RABL3: variants seen among roughly 807,000 people sequenced by gnomAD.
RABL3 encodes rab-like protein 3.
Under a neutral mutation model 31.8 loss-of-function variants are expected in RABL3, and 31 were observed. The observed-to-expected ratio is 0.97, with a 90% CI of 0.73 to 1.31. RABL3 has a LOEUF of 1.31. Among genes scored for constraint, RABL3 ranks in the 40% most tolerant of loss-of-function variants. RABL3 has a pLI of 0.00. For synonymous variants in RABL3, 97 were observed against 99.9 expected (o/e 0.97, Z 0.18); for missense variants, 263 against 279.6 (o/e 0.94, Z 0.42).
intron 6 of RABL3, among the ~76,000 whole-genome samples, chr3:120,690,887 A>G (rs1423276613): frequency 1.3e-5 from 2 of 152,156 alleles, no homozygotes; most frequent in Non-Finnish European, 2.9e-5. Flanking sequence ...AGTCTTGTCT[A>G]TTTCTTAAAG....
chr3:120,739,751 T>C (rs1709019703), intron 1 of RABL3, among the ~76,000 whole-genome samples: 1 of 152,216 alleles, frequency 6.6e-6, no homozygotes, highest in African/African-American at 2.4e-5. Flanking sequence ...TTGTTGATTC[T>C]GTATTTGTAA....
intron 1 of RABL3, among the ~76,000 whole-genome samples, chr3:120,737,278 C>A (rs1335446038): frequency 6.6e-6 from 1 of 152,200 alleles, no homozygotes; most frequent in Non-Finnish European, 1.5e-5. Flanking sequence ...TACATTTGAT[C>A]TTCCATCACT....
intron 4 of RABL3, among the ~76,000 whole-genome samples, chr3:120,704,723 C>A (rs2107580300): frequency 1.3e-5 from 2 of 152,248 alleles, no homozygotes; most frequent in Admixed American, 1.3e-4. Context: ...TTTATACTAG[C>A]AATGGAAAAT....
intron 6 of RABL3, among the ~76,000 whole-genome samples, chr3:120,690,744 T>C (rs1351263842): frequency 1.3e-5 from 2 of 152,114 alleles, no homozygotes; most frequent in African/African-American, 4.8e-5. Context: ...AACTAAATAA[T>C]GATAGAATGA....
chr3:120,692,267 C>T (rs918799230), intron 6 of RABL3, among the ~76,000 whole-genome samples: 25 of 151,878 alleles, frequency 1.6e-4, no homozygotes, highest in Non-Finnish European at 2.9e-5. Flanking sequence ...GGTGCGATCT[C>T]GGCTCACTGC....
intron 4 of RABL3, among the ~76,000 whole-genome samples, chr3:120,700,858 AT>A (rs1708484714): frequency 1.3e-5 from 2 of 152,080 alleles, no homozygotes; most frequent in Non-Finnish European, 2.9e-5. Context: ...CATTCTTTGT[AT>A]TTACATATGT....
chr3:120,725,124 C>A (rs1453866849), intron 2 of RABL3, among the ~76,000 whole-genome samples: 6 of 151,396 alleles, frequency 4.0e-5, no homozygotes, highest in African/African-American at 1.2e-4. Context: ...ACCCCATCAA[C>A]AAGTGAGTGA....
At chr3:120,713,562 G>A (rs1708634943) in intron 2 of RABL3, among the ~76,000 whole-genome samples, 1 of 152,086 alleles carries the variant, frequency 6.6e-6, no homozygotes, top group African/African-American at 2.4e-5. Flanking sequence ...TTTAAAGCAG[G>A]TCATCAAGGA....
chr3:120,741,632 A>G (rs1453295625), intron 1 of RABL3, among the ~76,000 whole-genome samples: 1 of 152,224 alleles, frequency 6.6e-6, no homozygotes, highest in African/African-American at 2.4e-5. Context: ...TGTAGTTCTC[A>G]AATGTCCCAG....
At chr3:120,742,532 ACG>A (rs1165869565), upstream of RABL3, 24 of 1,613,588 alleles carry the variant, frequency 1.5e-5, no homozygotes, top group Non-Finnish European at 1.9e-5. Context: ...CCCTGGGTTA[ACG>A]CCTGTTCCTG....
intron 2 of RABL3, 100 bp from the exon 3 acceptor site, chr3:120,710,009 T>C (rs913395035): frequency 1.3e-6 from 1 of 791,232 alleles, no homozygotes; most frequent in Non-Finnish European, 2.0e-6. Flanking sequence ...ACTCTGACTT[T>C]CTGATCGCTA....
At chr3:120,729,978 A>G (rs1708863360) in intron 2 of RABL3, among the ~76,000 whole-genome samples, 1 of 152,202 alleles carries the variant, frequency 6.6e-6, no homozygotes, top group Admixed American at 6.5e-5. Context: ...AAAAAAACAC[A>G]AAAAATATTT....
At chr3:120,713,808 C>CTTTTT (rs61372023) in intron 2 of RABL3, among the ~76,000 whole-genome samples, 13 of 121,692 alleles carry the variant, frequency 1.1e-4, no homozygotes, top group African/African-American at 3.6e-4. Context: ...TTGTCTGTAA[C>CTTTTT]TTTTTTTTTT....
chr3:120,694,294 T>A (rs1364339295), intron 5 of RABL3, 70 bp from the exon 6 acceptor site: 1 of 980,484 alleles, frequency 1.0e-6, no homozygotes, highest in Non-Finnish European at 1.6e-6. Flanking sequence ...TCATAACTTA[T>A]CCTGTTGCAT....
intron 2 of RABL3, 131 bp downstream of exon 2, chr3:120,730,565 C>T: frequency 1.6e-6 from 1 of 630,146 alleles, no homozygotes; most frequent in Non-Finnish European, 2.8e-6. Context: ...TAGTACCTGG[C>T]ACATAGTATG....
intron 2 of RABL3, among the ~76,000 whole-genome samples, chr3:120,713,221 C>G (rs533563780): frequency 6.6e-6 from 1 of 152,326 alleles, no homozygotes; most frequent in South Asian, 2.1e-4. Context: ...ACTCACTCAT[C>G]TAAACTCTTC....
At position 120,686,954 on chromosome 3, in the gene RABL3, A is replaced by T. The variant is rs1485587269; in HGVS notation, c.*2869T>A. On this transcript the variant is annotated 3_prime_UTR_variant, in exon 8 of 8. Transcript: ENST00000273375. The stretch of plus-strand genomic sequence containing the variant: ...GGTTTTATGATCTACTTCAGGGAAC[A>T]GTCACTTAGGGTTTATGGCCTGCTT... 1 of 152,344 alleles carries T rather than the reference A, an allele frequency of 6.6e-6. No homozygotes were observed. Among genetic ancestry groups the T allele is most frequent in the African/African-American group, 2.4e-5 (1 of 41,584 alleles). 9.4% of individuals were successfully genotyped at this position (152,344 alleles called of 1,614,324 possible).
chr3:120,720,835 C>T (rs1461753400), intron 2 of RABL3, among the ~76,000 whole-genome samples: 7 of 152,152 alleles, frequency 4.6e-5, no homozygotes, highest in East Asian at 1.9e-4. Context: ...ATACAGAGAA[C>T]GCCACAAAGA....
rs1708324049 is a variant in RABL3, at chr3:120,687,426, G to A, written c.*2397C>T. On this transcript the variant is annotated 3_prime_UTR_variant, in exon 8 of 8. Coordinates refer to ENST00000273375, the MANE Select transcript of RABL3 (RefSeq NM_173825.5). ...GTCTCCTAGAGTGCTGGGATTATAGGCGTGAGCCAGCACCTGGCCAATTAT... is the reference window on the plus strand; with the variant it reads ...GTCTCCTAGAGTGCTGGGATTATAGACGTGAGCCAGCACCTGGCCAATTAT... The A allele has an allele frequency of 6.6e-6, 1 of 152,106 alleles. No individual in the cohort carries two copies. Among genetic ancestry groups the A allele is most frequent in the Non-Finnish European group, 1.5e-5 (1 of 68,028 alleles). 9.4% of individuals were successfully genotyped at this position (152,106 alleles called of 1,614,324 possible). A position where few individuals can be genotyped will look rare whatever the true frequency, so the allele number is the denominator to read the frequency against.
Sources: gnomAD v4.1 joint callset for allele counts (sites outside exome capture counted in the v4.1 genomes callset) on GRCh38, gnomAD v4.1.1 for gene constraint, MANE v1.5 for transcripts, NCBI Gene and HGNC (gene_info 2026-07-23, HGNC 2026-07-21) for gene names.